Variants in GPM6A observed in about 807,000 individuals in gnomAD.
The protein encoded by GPM6A is neuronal membrane glycoprotein M6-a.
GPM6A carries 7 observed loss-of-function variants against 32.1 expected under a neutral mutation model. That is an observed-to-expected ratio of 0.22 (90% confidence interval 0.12 to 0.41). GPM6A has a LOEUF of 0.41. Ranked by LOEUF, GPM6A falls within the 10% of genes least tolerant of loss-of-function variation. GPM6A has a pLI of 1.00. For synonymous variants in GPM6A, 130 were observed against 123.4 expected, an observed-to-expected ratio of 1.05 and a Z score of -0.35; for missense variants, 235 against 347.2, an observed-to-expected ratio of 0.68 and a Z score of 2.57.
At chr4:175,973,707 C>CTAAG (rs375952308) in intron 1 of GPM6A, among the ~76,000 whole-genome samples, 2 of 152,276 alleles carry the variant, frequency 1.3e-5, no homozygotes, top group African/African-American at 4.8e-5. Flanking sequence ...AGTGGAGGTG[C>CTAAG]TAATGAGCAG....
intron 1 of GPM6A, among the ~76,000 whole-genome samples, chr4:175,822,389 T>C (rs1192454977): frequency 6.6e-6 from 1 of 152,146 alleles, no homozygotes; most frequent in Non-Finnish European, 1.5e-5. Context: ...GAGAATCGTT[T>C]ATTAAAATTT....
intron 1 of GPM6A, among the ~76,000 whole-genome samples, chr4:175,832,732 T>C (rs1735653607): frequency 6.6e-6 from 1 of 152,208 alleles, no homozygotes; most frequent in Admixed American, 6.5e-5. Context: ...TCTACTCACA[T>C]ACAAGTATTA....
intron 1 of GPM6A, among the ~76,000 whole-genome samples, chr4:175,763,603 A>G (rs1359416602): frequency 6.6e-6 from 1 of 152,190 alleles, no homozygotes; most frequent in Non-Finnish European, 1.5e-5. Context: ...AAATGCAATG[A>G]TAAAGAATAA....
chr4:176,000,135 G>A (rs1019806904), intron 1 of GPM6A, among the ~76,000 whole-genome samples: 1 of 152,008 alleles, frequency 6.6e-6, no homozygotes, highest in African/African-American at 2.4e-5. Flanking sequence ...CTCACCTCTG[G>A]CTTCCTCACT....
At chr4:175,841,030 T>C (rs568095109) in intron 1 of GPM6A, among the ~76,000 whole-genome samples, 59 of 152,266 alleles carry the variant, frequency 3.9e-4, no homozygotes, top group African/African-American at 1.4e-3. Flanking sequence ...AAGATATAGT[T>C]GAACTAATTT....
intron 1 of GPM6A, among the ~76,000 whole-genome samples, chr4:175,719,954 C>T (rs139672104): frequency 0.011 from 1,634 of 152,114 alleles, 16 homozygotes; most frequent in Non-Finnish European, 0.015. Context: ...ATAGAAGAAA[C>T]GTCGATTTTA....
At chr4:175,872,800 C>T (rs546247292) in intron 1 of GPM6A, 22 of 152,086 alleles carry the variant, frequency 1.4e-4, no homozygotes, top group African/African-American at 4.1e-4. Context: ...GATGGTATAA[C>T]GCTCCTGTGA....
At chr4:175,874,904 AC>A (rs1167570463) in intron 1 of GPM6A, among the ~76,000 whole-genome samples, 7 of 152,206 alleles carry the variant, frequency 4.6e-5, no homozygotes, top group African/African-American at 1.7e-4. Context: ...ATTGTTTTCT[AC>A]ACTGTACCCT....
At chr4:175,770,487 C>T (rs908504828) in intron 1 of GPM6A, among the ~76,000 whole-genome samples, 33 of 152,144 alleles carry the variant, frequency 2.2e-4, no homozygotes, top group Non-Finnish European at 3.7e-4. Context: ...GCTTTTTATG[C>T]CTCAGAATGA....
intron 1 of GPM6A, among the ~76,000 whole-genome samples, chr4:175,830,407 A>G (rs1735572961): frequency 6.6e-6 from 1 of 152,300 alleles, no homozygotes; most frequent in Middle Eastern, 3.4e-3. Flanking sequence ...GTGTATATAA[A>G]ATAATGATGA....
intron 4 of GPM6A, among the ~76,000 whole-genome samples, chr4:175,649,490 G>GT (rs1233689304): frequency 6.6e-6 from 1 of 152,078 alleles, no homozygotes; most frequent in African/African-American, 2.4e-5. Flanking sequence ...GTCTCCCAAT[G>GT]TTTTTTCAGT....
At chr4:175,745,081 G>C (rs1012298255) in intron 1 of GPM6A, among the ~76,000 whole-genome samples, 2 of 144,118 alleles carry the variant, frequency 1.4e-5, no homozygotes, top group African/African-American at 2.5e-5. Context: ...GAGCCATAAA[G>C]ATGAAGATAA....
intron 1 of GPM6A, among the ~76,000 whole-genome samples, chr4:175,739,319 A>C (rs960042808): frequency 6.6e-6 from 1 of 152,094 alleles, no homozygotes; most frequent in East Asian, 1.9e-4. Context: ...AATAATAATA[A>C]ATTTGATGCA....
chr4:175,940,782 T>C (rs533551301), intron 1 of GPM6A, among the ~76,000 whole-genome samples: 1 of 152,314 alleles, frequency 6.6e-6, no homozygotes, highest in South Asian at 2.1e-4. Flanking sequence ...CTAATTTTTG[T>C]ATTCTTAGTA....
intron 1 of GPM6A, among the ~76,000 whole-genome samples, chr4:175,845,487 C>T (rs938561505): frequency 6.6e-6 from 1 of 152,044 alleles, no homozygotes; most frequent in Non-Finnish European, 1.5e-5. Context: ...TAAATGTTCA[C>T]CTAACAATGT....
At chr4:175,839,040 C>T (rs1024720452) in intron 1 of GPM6A, among the ~76,000 whole-genome samples, 2 of 152,110 alleles carry the variant, frequency 1.3e-5, no homozygotes, top group African/African-American at 4.8e-5. Flanking sequence ...AGGAGATATT[C>T]TCTGCTATTA....
At chr4:175,817,590 T>A (rs904779860) in intron 1 of GPM6A, among the ~76,000 whole-genome samples, 2 of 152,176 alleles carry the variant, frequency 1.3e-5, no homozygotes, top group African/African-American at 4.8e-5. Context: ...TACAGTTTGA[T>A]CTGACCTGAT....
chr4:175,741,147 T>G (rs1731873612), intron 1 of GPM6A, among the ~76,000 whole-genome samples: 1 of 152,068 alleles, frequency 6.6e-6, no homozygotes, highest in Non-Finnish European at 1.5e-5. Flanking sequence ...TATTTTTGCA[T>G]TACCTTGTAA....
intron 2 of GPM6A, among the ~76,000 whole-genome samples, chr4:175,697,074 G>A (rs930442339): frequency 6.6e-6 from 1 of 152,024 alleles, no homozygotes; most frequent in African/African-American, 2.4e-5. Context: ...ATAAAATTTT[G>A]AAAATAAAAT....
Sources: gnomAD v4.1 joint callset for allele counts (sites outside exome capture counted in the v4.1 genomes callset) on GRCh38, gnomAD v4.1.1 for gene constraint, MANE v1.5 for transcripts, NCBI Gene and HGNC (gene_info 2026-07-23, HGNC 2026-07-21) for gene names.